SYTL4: variants seen among roughly 807,000 people sequenced by gnomAD.
SYTL4 encodes the protein synaptotagmin like 4.
In SYTL4, 16 loss-of-function variants were observed where a neutral mutation model predicts 52.7. The observed-to-expected ratio is 0.30, with a 90% CI of 0.21 to 0.46. SYTL4 has a LOEUF of 0.46. Ranked by LOEUF, SYTL4 falls within the 20% of genes least tolerant of loss-of-function variation. SYTL4 has a pLI of 1.00. For missense variants in SYTL4, 423 were observed against 519.9 expected, an observed-to-expected ratio of 0.81 and a Z score of 1.81; for synonymous variants, 160 against 186.6, an observed-to-expected ratio of 0.86 and a Z score of 1.16.
chrX:100,688,197 GT>G, intron 13 of SYTL4, 153 bp downstream of exon 13: 1 of 459,767 alleles, frequency 2.2e-6, no homozygotes, highest in Non-Finnish European at 3.8e-6. Flanking sequence ...AGCACCTATA[GT>G]CTAAATTGAG....
At chrX:100,719,379 T>G (rs890718823) in intron 2 of SYTL4, among the ~76,000 whole-genome samples, 1 of 111,413 alleles carries the variant, frequency 9.0e-6, no homozygotes, top group African/African-American at 3.3e-5. Context: ...AACCGTTACA[T>G]TACATTATAC....
Position 100,686,088 on chromosome X carries a change from G to A in SYTL4, c.1351C>T (p.Arg451Cys). Residue 451 changes from arginine (R) to cysteine (C), a missense_variant, in exon 16 of 20, where the codon CGT becomes TGT. Transcript: ENST00000372989. ...TLQFSVWHHG[R>C]FGRNTFLGEA... ...CCAAGGAAAGTGTTTCTGCCAAAACGACCATGATGCCAAACTGAGAACTGC... is the reference window on the plus strand; with the variant it reads ...CCAAGGAAAGTGTTTCTGCCAAAACAACCATGATGCCAAACTGAGAACTGC... 6.6e-6 allele frequency: 8 copies of A among 1,210,256 alleles called. No individual in the cohort carries two copies. The highest frequency in any genetic ancestry group is 7.8e-6 in the Non-Finnish European group (7 of 894,703).
chrX:100,716,268 G>A (rs939620454), intron 2 of SYTL4, among the ~76,000 whole-genome samples: 5 of 106,820 alleles, frequency 4.7e-5, no homozygotes, highest in Middle Eastern at 4.8e-3. Flanking sequence ...TGACCAACAC[G>A]GAGAAACTCC....
intron 16 of SYTL4, 72 bp downstream of exon 16, chrX:100,685,918 A>T: frequency 2.9e-6 from 3 of 1,042,684 alleles, no homozygotes; most frequent in Non-Finnish European, 3.8e-6. Context: ...CGCTACCAAC[A>T]TAGACCAGCA....
In SYTL4 at chrX:100,701,507, T is replaced by G. The variant is rs759492462; in HGVS notation, c.277A>C (p.Ile93Leu). 2.5e-6 allele frequency: 3 copies of G among 1,211,837 alleles called. No individual in the cohort carries two copies. In the South Asian group the frequency reaches 5.3e-5, roughly 21 times the overall value. ...CNHLVCRDCR[I>L]QESNGTWRCK... is the part of the protein sequence containing the mutation. ...CTCCAGGTACCATTGCTTTCCTGTA[T>G]GCGGCAGTCCCGACACACCAGGTGA... The change falls in exon 6 of 20, where the codon ATA becomes CTA. Residue 93 changes from isoleucine to leucine, a missense_variant. Physicochemically the swap from Ile to Leu is conservative, Grantham distance 5. Transcript: ENST00000372989.
At chrX:100,692,469 T>C (rs781134272) in intron 8 of SYTL4, among the ~76,000 whole-genome samples, 2 of 111,819 alleles carry the variant, frequency 1.8e-5, no homozygotes, top group South Asian at 7.6e-4. Context: ...GGGACTGAGA[T>C]ATATCCATAA....
intron 16 of SYTL4, 43 bp from the exon 17 acceptor site, chrX:100,681,378 A>G: frequency 1.5e-5 from 16 of 1,062,167 alleles, no homozygotes; most frequent in Non-Finnish European, 2.1e-5. Context: ...GGGCTTCTCA[A>G]GAATTGTTGG....
chrX:100,691,046 T>C (rs1404978635), intron 9 of SYTL4, 62 bp downstream of exon 9: 3 of 856,247 alleles, frequency 3.5e-6, no homozygotes, highest in Non-Finnish European at 5.1e-6. Flanking sequence ...GGAACACTGA[T>C]GCTGCAGAAC....
At chrX:100,688,196 A>G in intron 13 of SYTL4, 155 bp downstream of exon 13, 5 of 454,841 alleles carry the variant, frequency 1.1e-5, no homozygotes, top group Non-Finnish European at 1.9e-5. Context: ...AAGCACCTAT[A>G]GTCTAAATTG....
chrX:100,728,196 AT>A (rs1229016585), intron 2 of SYTL4, among the ~76,000 whole-genome samples: 1 of 112,260 alleles, frequency 8.9e-6, no homozygotes, highest in Admixed American at 9.4e-5. Flanking sequence ...TTTTGTACAA[AT>A]TTGAGTTTCA....
At chrX:100,690,028 G>A (rs767108137) in intron 11 of SYTL4, 47 bp downstream of exon 11, 1 of 1,162,272 alleles carries the variant, frequency 8.6e-7, no homozygotes. Flanking sequence ...CCCATCAAGG[G>A]TACTCAGAAC....
rs201705918 is a variant in SYTL4 at position 100,678,516 on chromosome X, G to T, written c.1742C>A (p.Thr581Lys). 5.0e-6 allele frequency: 6 copies of T among 1,210,397 alleles called. No homozygotes were observed. Among genetic ancestry groups the T allele is most frequent in the Non-Finnish European group, 6.7e-6 (6 of 894,322 alleles). The change falls in exon 19 of 20, where the codon ACA (threonine) becomes AAA (lysine). Residue 581 changes from threonine (T) to lysine (K), a missense_variant. Transcript: ENST00000372989. The part of the protein sequence containing the change: ...KKTLNPHYNH[T>K]FVYNGVRLED... ...CAGCCTCACACCATTGTAGACAAAT[G>T]TATGGTTGTAGTGAGGATTCAGGGT...
chrX:100,720,435 C>T (rs1361974907), intron 2 of SYTL4, among the ~76,000 whole-genome samples: 2 of 112,620 alleles, frequency 1.8e-5, no homozygotes, highest in Non-Finnish European at 3.7e-5. Flanking sequence ...TCACCTCCCA[C>T]GCAGAACACT....
At chrX:100,701,063 T>G (rs927522082) in intron 7 of SYTL4, 64 bp from the exon 8 acceptor site, 1 of 956,580 alleles carries the variant, frequency 1.0e-6, no homozygotes, top group African/African-American at 1.9e-5. Context: ...GAAACAACCC[T>G]CATAGCAAAT....
At chrX:100,722,619 A>T (rs1185805837) in intron 2 of SYTL4, among the ~76,000 whole-genome samples, 1 of 111,027 alleles carries the variant, frequency 9.0e-6, no homozygotes, top group Non-Finnish European at 1.9e-5. Context: ...TCTATTAATT[A>T]GTCCCTCCTT....
At chrX:100,699,557 C>T (rs1053132768) in intron 8 of SYTL4, among the ~76,000 whole-genome samples, 2 of 80,828 alleles carry the variant, frequency 2.5e-5, no homozygotes, top group Admixed American at 1.5e-4. Context: ...GGCGCGATCT[C>T]GGCTCTCTAC....
In SYTL4 at chrX:100,690,587, A is replaced by G. The variant is rs753260012; in HGVS notation, c.693T>C (p.Ser231=). 6 of 1,207,945 alleles carry G rather than the reference A, an allele frequency of 5.0e-6. No individual in the cohort carries two copies. Among genetic ancestry groups the G allele is most frequent in the Non-Finnish European group, 6.7e-6 (6 of 893,091 alleles). The change falls in exon 10 of 20, where the codon TCT becomes TCC. Residue 231 remains serine (S), a synonymous_variant. Coordinates refer to ENST00000372989, the MANE Select transcript of SYTL4 (RefSeq NM_001370165.1). ...SGLFPEWKKM[S]APKSQVEKET... ...CCTTTTCTACTTGAGATTTGGGAGCAGACATCTTCTTCCATTCTGGAAAGA... is the reference window on the plus strand; with the variant it reads ...CCTTTTCTACTTGAGATTTGGGAGCGGACATCTTCTTCCATTCTGGAAAGA...
intron 8 of SYTL4, among the ~76,000 whole-genome samples, chrX:100,698,000 C>T (rs2083738512): frequency 2.7e-5 from 3 of 111,823 alleles, no homozygotes; most frequent in Admixed American, 1.9e-4. Flanking sequence ...AAAAATTTTC[C>T]AGCAATGAAG....
chrX:100,709,179 G>A (rs1056733555), intron 2 of SYTL4, among the ~76,000 whole-genome samples: 1 of 111,333 alleles, frequency 9.0e-6, no homozygotes, highest in African/African-American at 3.3e-5. Flanking sequence ...TCCTGAGGCA[G>A]TGTGTGAGCT....
Sources: allele counts gnomAD v4.1 joint callset (sites outside exome capture counted in the v4.1 genomes callset), GRCh38; gene constraint gnomAD v4.1.1; transcripts MANE v1.5; gene names NCBI Gene and HGNC (gene_info 2026-07-23, HGNC 2026-07-21).